Variants in B3GALT1 observed in about 807,000 individuals in gnomAD.
B3GALT1 encodes beta-1,3-galactosyltransferase 1.
Under a neutral mutation model 23.2 loss-of-function variants are expected in B3GALT1, and 10 were observed. The ratio of observed to expected loss-of-function variants is 0.43; its 90% CI spans 0.27 to 0.73. The LOEUF is 0.73. Ranked by LOEUF, B3GALT1 falls within the 30% of genes least tolerant of loss-of-function variation. B3GALT1 has a pLI of 0.21. For missense variants in B3GALT1, 299 were observed against 405.4 expected (o/e 0.74, Z 2.25); for synonymous variants, 156 against 141.5 (o/e 1.10, Z -0.73).
At chr2:167,453,212 A>T (rs1214785763) in intron 1 of B3GALT1, among the ~76,000 whole-genome samples, 1 of 152,112 alleles carries the variant, frequency 6.6e-6, no homozygotes, top group African/African-American at 2.4e-5. Flanking sequence ...TCACTATAAG[A>T]TAAATGTGCT....
intron 1 of B3GALT1, among the ~76,000 whole-genome samples, chr2:167,436,532 GTTAA>G (rs947901041): frequency 6.6e-6 from 1 of 152,140 alleles, no homozygotes; most frequent in African/African-American, 2.4e-5. Flanking sequence ...AACACTAAAT[GTTAA>G]TTAATTCATT....
At chr2:167,799,425 G>T (rs10196543) in intron 3 of B3GALT1, among the ~76,000 whole-genome samples, 14 of 151,898 alleles carry the variant, frequency 9.2e-5, no homozygotes, top group African/African-American at 3.4e-4. Context: ...CCTCTTATAC[G>T]TGAGAACATT....
chr2:167,423,230 G>A (rs78287647), intron 1 of B3GALT1, among the ~76,000 whole-genome samples: 16,172 of 152,124 alleles, frequency 0.11, 1,079 homozygotes, highest in African/African-American at 0.19. Flanking sequence ...GAGTAAAGAA[G>A]TTAACTATAC....
At chr2:167,825,453 T>C (rs1689198657) in intron 4 of B3GALT1, among the ~76,000 whole-genome samples, 2 of 146,602 alleles carry the variant, frequency 1.4e-5, no homozygotes, top group African/African-American at 2.6e-5. Flanking sequence ...TGTGTGTGTG[T>C]GTGCGTGCAC....
chr2:167,648,943 C>T (rs1364661936), intron 3 of B3GALT1, among the ~76,000 whole-genome samples: 1 of 152,086 alleles, frequency 6.6e-6, no homozygotes, highest in Non-Finnish European at 1.5e-5. Flanking sequence ...AAGTCAATTG[C>T]ATTGGCTTCT....
chr2:167,304,231 C>T (rs1196702350), intron 1 of B3GALT1, among the ~76,000 whole-genome samples: 2 of 152,134 alleles, frequency 1.3e-5, no homozygotes, highest in Non-Finnish European at 2.9e-5. Context: ...GCTCTTAAGT[C>T]GTTTATGCAG....
At chr2:167,523,825 C>G (rs1195429231) in intron 2 of B3GALT1, among the ~76,000 whole-genome samples, 2 of 152,064 alleles carry the variant, frequency 1.3e-5, no homozygotes, top group Non-Finnish European at 2.9e-5. Context: ...ATAGTGATAT[C>G]ACAAAGACAT....
chr2:167,682,800 C>T (rs988680345), intron 3 of B3GALT1, among the ~76,000 whole-genome samples: 13 of 152,104 alleles, frequency 8.5e-5, no homozygotes, highest in Admixed American at 8.5e-4. Flanking sequence ...CCGGTAGAGC[C>T]CTTAGGGAAT....
At chr2:167,385,590 C>T (rs1465430858) in intron 1 of B3GALT1, among the ~76,000 whole-genome samples, 2 of 51,698 alleles carry the variant, frequency 3.9e-5, no homozygotes, top group African/African-American at 6.5e-5. Context: ...CAAAGACTAG[C>T]TTTCACTAAT....
intron 2 of B3GALT1, among the ~76,000 whole-genome samples, chr2:167,560,148 A>G (rs1468025315): frequency 6.6e-6 from 1 of 152,236 alleles, no homozygotes; most frequent in African/African-American, 2.4e-5. Context: ...GGGGGCCAAT[A>G]TTCAACATTC....
At chr2:167,330,778 AT>A (rs1696960599) in intron 1 of B3GALT1, among the ~76,000 whole-genome samples, 1 of 152,036 alleles carries the variant, frequency 6.6e-6, no homozygotes, top group Non-Finnish European at 1.5e-5. Context: ...GAATTCTCTT[AT>A]ATCTCATTGA....
chr2:167,507,063 G>A (rs759266920), intron 2 of B3GALT1, among the ~76,000 whole-genome samples: 2 of 152,040 alleles, frequency 1.3e-5, no homozygotes, highest in African/African-American at 2.4e-5. Flanking sequence ...GACTAAAACC[G>A]TAAAACTGAC....
At chr2:167,631,573 G>T (rs945793374) in intron 2 of B3GALT1, 1 of 151,290 alleles carries the variant, frequency 6.6e-6, no homozygotes, top group African/African-American at 2.4e-5. Context: ...TTACTAATCT[G>T]GGTTCTTAAT....
At chr2:167,838,933 A>G (rs977682580) in intron 4 of B3GALT1, among the ~76,000 whole-genome samples, 1 of 152,220 alleles carries the variant, frequency 6.6e-6, no homozygotes, top group African/African-American at 2.4e-5. Flanking sequence ...AAACCACGTG[A>G]TTATCTCAAT....
chr2:167,562,205 C>G (rs921283106), intron 2 of B3GALT1, among the ~76,000 whole-genome samples: 2 of 152,004 alleles, frequency 1.3e-5, no homozygotes, highest in Non-Finnish European at 2.9e-5. Flanking sequence ...AAGGCAAAAA[C>G]CACATGATTA....
intron 2 of B3GALT1, among the ~76,000 whole-genome samples, chr2:167,520,239 T>C (rs1700168583): frequency 6.6e-6 from 1 of 152,182 alleles, no homozygotes; most frequent in African/African-American, 2.4e-5. Context: ...GTATTAAGGA[T>C]TGTGGGAATT....
chr2:167,771,519 C>T (rs1040150100), intron 3 of B3GALT1, among the ~76,000 whole-genome samples: 7 of 152,052 alleles, frequency 4.6e-5, no homozygotes, highest in South Asian at 4.2e-4. Context: ...TGCAGTGAGC[C>T]GAGATCGCGC....
intron 1 of B3GALT1, among the ~76,000 whole-genome samples, chr2:167,360,303 A>AT (rs1697481112): frequency 6.6e-6 from 1 of 152,128 alleles, no homozygotes; most frequent in South Asian, 2.1e-4. Context: ...TCTGCTATTG[A>AT]TAGTAGTGGG....
chr2:167,640,032 C>T (rs985330797), intron 2 of B3GALT1, among the ~76,000 whole-genome samples: 1 of 152,080 alleles, frequency 6.6e-6, no homozygotes, highest in Non-Finnish European at 1.5e-5. Flanking sequence ...TATTATTTGT[C>T]AGCACTGCTA....
Sources: gnomAD v4.1 joint callset for allele counts (sites outside exome capture counted in the v4.1 genomes callset) on GRCh38, gnomAD v4.1.1 for gene constraint, MANE v1.5 for transcripts, NCBI Gene and HGNC (gene_info 2026-07-23, HGNC 2026-07-21) for gene names.